PCDHA3: variants seen among roughly 807,000 people sequenced by gnomAD.
The protein encoded by PCDHA3 is protocadherin alpha-3.
PCDHA3 carries 41 observed loss-of-function variants against 62.2 expected under a neutral mutation model. The ratio of observed to expected loss-of-function variants is 0.66; its 90% CI spans 0.51 to 0.86. The LOEUF is 0.86. Among genes scored for constraint, PCDHA3 ranks in the 40% least tolerant of loss-of-function variants. The probability of loss-of-function intolerance (pLI) is 0.00; values close to 1 mark genes in which losing one functional copy is unlikely to be tolerated. For missense variants in PCDHA3, 1,304 were observed against 1,241.2 expected, an observed-to-expected ratio of 1.05 and a Z score of -0.76; for synonymous variants, 640 against 555.4, an observed-to-expected ratio of 1.15 and a Z score of -2.14.
At chr5:140,823,889 C>A (rs2150130096) in intron 1 of PCDHA3, 23 of 1,613,944 alleles carry the variant, frequency 1.4e-5, no homozygotes, top group South Asian at 7.7e-5. Flanking sequence ...GCCATCTGTG[C>A]GGTGTCCAGC....
chr5:140,896,560 A>G (rs1583236503), intron 1 of PCDHA3, among the ~76,000 whole-genome samples: 2 of 150,934 alleles, frequency 1.3e-5, no homozygotes, highest in African/African-American at 4.9e-5. Flanking sequence ...TATTTTAAGT[A>G]GAGATGGGGT....
chr5:140,982,596 G>A, intron 3 of PCDHA3, 33 bp downstream of exon 3: 2 of 1,609,850 alleles, frequency 1.2e-6, no homozygotes, highest in South Asian at 2.2e-5. Flanking sequence ...TTCTTTCTTG[G>A]TTTCTGGAAA....
chr5:140,926,780 G>A, intron 1 of PCDHA3: 2 of 1,397,714 alleles, frequency 1.4e-6, no homozygotes, highest in Non-Finnish European at 1.9e-6. Context: ...CAGCAGTGAC[G>A]GCCGGCAGGA....
rs2150238489 is a variant in PCDHA3 at position 140,835,571 on chromosome 5, G to C, written c.2394+31980G>C. 6 of 1,613,800 alleles carry C rather than the reference G, an allele frequency of 3.7e-6. 1 individual carries two copies. The highest frequency in any genetic ancestry group is 5.1e-6 in the Non-Finnish European group (6 of 1,179,886). On this transcript the variant is annotated intron_variant, in intron 1 of 3. Coordinates refer to ENST00000522353, the MANE Select transcript of PCDHA3 (RefSeq NM_018906.3). ...CCCTGACGCCCCGCGTTCCCTTCAAGTTGGTGTCCACCTTCAAGAATTACT... is the reference window on the plus strand; with the variant it reads ...CCCTGACGCCCCGCGTTCCCTTCAACTTGGTGTCCACCTTCAAGAATTACT...
chr5:140,821,632 A>C, intron 1 of PCDHA3: 7 of 971,634 alleles, frequency 7.2e-6, no homozygotes, highest in Non-Finnish European at 1.0e-5. Flanking sequence ...TTAGACAGAA[A>C]GGAAAAGAAC....
At chr5:140,919,254 T>A (rs1554198989) in intron 1 of PCDHA3, among the ~76,000 whole-genome samples, 1 of 152,266 alleles carries the variant, frequency 6.6e-6, no homozygotes. Context: ...CTGTTTTGTC[T>A]GATATTAGTG....
Position 140,852,971 on chromosome 5 carries a change from C to T in PCDHA3, c.2394+49380C>T, listed in dbSNP as rs563659563. Reference sequence around the variant, plus strand: ...TTGGCTCACTCCAAGCTCCCCCTCCCGTGTTCACGCCATTCTCCTGCCTCA... The same window carrying T: ...TTGGCTCACTCCAAGCTCCCCCTCCTGTGTTCACGCCATTCTCCTGCCTCA... On this transcript the variant is annotated intron_variant, in intron 1 of 3. Coordinates refer to ENST00000522353, the MANE Select transcript of PCDHA3 (RefSeq NM_018906.3). 23 of 376,480 alleles carry T rather than the reference C, an allele frequency of 6.1e-5. 1 individual carries two copies. The highest frequency in any genetic ancestry group is 5.5e-4 in the South Asian group (5 of 9,156). 23.3% of individuals were successfully genotyped at this position (376,480 alleles called of 1,614,324 possible).
At chr5:140,832,877 A>T (rs1281043082) in intron 1 of PCDHA3, among the ~76,000 whole-genome samples, 1 of 152,210 alleles carries the variant, frequency 6.6e-6, no homozygotes, top group Non-Finnish European at 1.5e-5. Context: ...TACTGGTTAT[A>T]AAATGGAAAG....
At chr5:140,861,307 G>T in intron 1 of PCDHA3, 2 of 192,584 alleles carry the variant, frequency 1.0e-5, no homozygotes, top group South Asian at 9.6e-5. Flanking sequence ...AAGCGGGAAA[G>T]GACCAGTTCC....
chr5:140,954,895 A>G (rs782412576), intron 1 of PCDHA3, among the ~76,000 whole-genome samples: 66 of 152,096 alleles, frequency 4.3e-4, no homozygotes, highest in African/African-American at 1.4e-3. Context: ...TAGGGTTTTT[A>G]TAGTTTCATA....
chr5:140,992,463 C>T (rs1416840803), intron 3 of PCDHA3, among the ~76,000 whole-genome samples: 1 of 152,162 alleles, frequency 6.6e-6, no homozygotes, highest in Non-Finnish European at 1.5e-5. Flanking sequence ...GAGGACAGTA[C>T]TCTTTAGATC....
At chr5:140,902,406 T>A (rs1166768605) in intron 1 of PCDHA3, among the ~76,000 whole-genome samples, 1 of 152,088 alleles carries the variant, frequency 6.6e-6, no homozygotes, top group Non-Finnish European at 1.5e-5. Flanking sequence ...AATACTATGT[T>A]GAATAACAGT....
chr5:140,937,921 A>G (rs1304092674), intron 1 of PCDHA3, among the ~76,000 whole-genome samples: 2 of 152,184 alleles, frequency 1.3e-5, no homozygotes, highest in Non-Finnish European at 2.9e-5. Flanking sequence ...CAAAAAAAAA[A>G]AAAAAAGTTT....
At position 140,857,302 on chromosome 5, in the gene PCDHA3, G is replaced by C. The variant is rs782029015; in HGVS notation, c.2394+53711G>C. 5.0e-6 allele frequency: 8 copies of C among 1,598,652 alleles called. 1 individual carries two copies. The highest frequency in any genetic ancestry group is 3.4e-5 in the Admixed American group (2 of 59,338). On this transcript the variant is annotated intron_variant, in intron 1 of 3. Transcript: ENST00000522353. ...GCGCTCTGGACCGCGAGAGGGTGTCGGCCTATGAGCTGGTGGTGACCGCGC... is the reference window on the plus strand; with the variant it reads ...GCGCTCTGGACCGCGAGAGGGTGTCCGCCTATGAGCTGGTGGTGACCGCGC...
intron 1 of PCDHA3, chr5:140,847,666 C>T (rs1419197833): frequency 6.7e-6 from 1 of 149,608 alleles, no homozygotes; most frequent in African/African-American, 2.4e-5. Flanking sequence ...GATTATAAAG[C>T]TTGGAAAGAA....
chr5:140,932,042 A>G (rs1419099942), intron 1 of PCDHA3, among the ~76,000 whole-genome samples: 1 of 151,970 alleles, frequency 6.6e-6, no homozygotes, highest in Non-Finnish European at 1.5e-5. Flanking sequence ...ATATTAACAT[A>G]GCCTGTAATA....
chr5:140,859,506 C>A, intron 1 of PCDHA3: 1 of 197,142 alleles, frequency 5.1e-6, no homozygotes, highest in Non-Finnish European at 1.0e-5. Flanking sequence ...ACCTGATACC[C>A]ATGATTTCAT....
At chr5:140,922,316 A>G (rs983729529) in intron 1 of PCDHA3, among the ~76,000 whole-genome samples, 5 of 152,248 alleles carry the variant, frequency 3.3e-5, no homozygotes, top group Middle Eastern at 3.2e-3. Context: ...TTCACTGAAG[A>G]TCTTGGAAAG....
At chr5:140,887,253 C>T (rs1045921651) in intron 1 of PCDHA3, among the ~76,000 whole-genome samples, 3 of 151,962 alleles carry the variant, frequency 2.0e-5, no homozygotes, top group Admixed American at 6.6e-5. Flanking sequence ...CCCGCCACCA[C>T]GCCCTGCTAA....
Sources: allele counts gnomAD v4.1 joint callset (sites outside exome capture counted in the v4.1 genomes callset), GRCh38; gene constraint gnomAD v4.1.1; transcripts MANE v1.5; gene names NCBI Gene and HGNC (gene_info 2026-07-23, HGNC 2026-07-21).